Variants in OSBP2 observed in about 807,000 individuals in gnomAD.
OSBP2 encodes the protein oxysterol binding protein 2, also known as oxysterol-binding protein 2.
Under a neutral mutation model 96.0 loss-of-function variants are expected in OSBP2, and 66 were observed. The ratio of observed to expected loss-of-function variants is 0.69; its 90% CI spans 0.56 to 0.84. OSBP2 has a LOEUF of 0.84. OSBP2 is among the 40% of genes least tolerant of loss of function. OSBP2 has a pLI of 0.00. For synonymous variants in OSBP2, 525 were observed against 520.9 expected, an observed-to-expected ratio of 1.01 and a Z score of -0.11; for missense variants, 1,038 against 1,222.7, an observed-to-expected ratio of 0.85 and a Z score of 2.25.
chr22:30,799,057 TTTCCTTCCTTCCTTCCTTCCTTCCTTCC>T lies in OSBP2; in HGVS notation c.853+57719_853+57746del, dbSNP rs1159820708. The stretch of plus-strand genomic sequence containing the variant: ...AATTATTTGACTATACATGCAAAGG[TTTCCTTCCTTCCTTCCTTCCTTCCTTCC>T]TTCCTTCCTTCCTTCCTTCCTTCCT... On this transcript the variant is annotated intron_variant, in intron 2 of 13. Transcript: ENST00000332585. 2.0e-4 allele frequency among the ~76,000 whole-genome samples: 24 copies of T among 120,324 alleles called. 4 individuals are homozygous for T. Among genetic ancestry groups the T allele is most frequent in the Admixed American group, 1.8e-3 (20 of 11,306 alleles). The allele number at this position is 120,324 out of a possible 152,430, so 78.9% of individuals were successfully genotyped here. A position where few individuals can be genotyped will look rare whatever the true frequency, so the allele number is the denominator to read the frequency against.
Position 30,906,392 on chromosome 22 carries a change from A to AT in OSBP2, c.*55dup. ...CCTGCACAGCCTGGCCCACCTGTTC[A>AT]TTAATGCACTCAATTTAGTACTGAA... On this transcript the variant is annotated 3_prime_UTR_variant, in exon 14 of 14. Coordinates refer to ENST00000332585, the MANE Select transcript of OSBP2 (RefSeq NM_030758.4). 1 of 1,530,222 alleles carries AT rather than the reference A, an allele frequency of 6.5e-7. No individual in the cohort carries two copies. Among genetic ancestry groups the AT allele is most frequent in the Non-Finnish European group, 8.8e-7 (1 of 1,137,564 alleles). The allele number at this position is 1,530,222 out of a possible 1,614,324, so 94.8% of individuals were successfully genotyped here.
intron 2 of OSBP2, among the ~76,000 whole-genome samples, chr22:30,778,603 G>A (rs899310716): frequency 2.0e-5 from 3 of 152,108 alleles, no homozygotes; most frequent in African/African-American, 7.2e-5. Context: ...CTATTGGGTA[G>A]TGGATGTGAA....
At chr22:30,854,455 C>T (rs2039040244) in intron 2 of OSBP2, among the ~76,000 whole-genome samples, 2 of 151,466 alleles carry the variant, frequency 1.3e-5, no homozygotes, top group Non-Finnish European at 2.9e-5. Flanking sequence ...ATTACAGGCA[C>T]GCACGACCAT....
At position 30,785,666 on chromosome 22, in the gene OSBP2, C is replaced by G. The variant is rs541968654; in HGVS notation, c.853+44297C>G. Reference sequence around the variant, plus strand: ...AGTGATATGATTTGGCTCTATATCCCCACCAAATCTCATCTCAAATTGTAA... The same window carrying G: ...AGTGATATGATTTGGCTCTATATCCGCACCAAATCTCATCTCAAATTGTAA... On this transcript the variant is annotated intron_variant, in intron 2 of 13. Coordinates refer to ENST00000332585, the MANE Select transcript of OSBP2 (RefSeq NM_030758.4). 3.9e-5 allele frequency among the ~76,000 whole-genome samples: 6 copies of G among 152,202 alleles called. No individual in the cohort carries two copies. The East Asian group carries it at 7.7e-4, about 20-fold the overall frequency.
Position 30,881,234 on chromosome 22 carries a change from C to T in OSBP2, c.1108-6192C>T, listed in dbSNP as rs1602408397. Among the ~76,000 whole-genome samples the T allele has an allele frequency of 6.6e-6, 1 of 152,152 alleles. No individual in the cohort carries two copies. The highest frequency in any genetic ancestry group is 1.5e-5 in the Non-Finnish European group (1 of 68,020). On this transcript the variant is annotated intron_variant, in intron 3 of 13. Coordinates refer to ENST00000332585, the MANE Select transcript of OSBP2 (RefSeq NM_030758.4). This position sits in a 1 kb window ranked among gnomAD's most constrained non-coding sequence, Gnocchi z 4.5. The stretch of plus-strand genomic sequence containing the variant: ...TTGGGGGTAGGCAGAAGGGGCAGGG[C>T]CAGGACACTGGAACTCTGTCCCCAC...
At chr22:30,795,611 C>G (rs779951127) in intron 2 of OSBP2, among the ~76,000 whole-genome samples, 29 of 151,810 alleles carry the variant, frequency 1.9e-4, no homozygotes, top group Non-Finnish European at 3.4e-4. Context: ...CCTCCGCCTC[C>G]CAGGTTCAAG....
chr22:30,783,381 T>C (rs986605469), intron 2 of OSBP2, among the ~76,000 whole-genome samples: 8 of 143,742 alleles, frequency 5.6e-5, no homozygotes, highest in Admixed American at 2.2e-4. Flanking sequence ...AGTGGTGTGA[T>C]TGCAGCTCAC....
intron 2 of OSBP2, among the ~76,000 whole-genome samples, chr22:30,780,036 G>A (rs1022607135): frequency 2.6e-5 from 4 of 152,156 alleles, no homozygotes; most frequent in Non-Finnish European, 5.9e-5. Context: ...TTCTCATTCT[G>A]TACGAAGCAA....
chr22:30,821,961 G>C (rs78635154), intron 2 of OSBP2, among the ~76,000 whole-genome samples: 2,054 of 152,342 alleles, frequency 0.013, 26 homozygotes, highest in Middle Eastern at 0.048. Context: ...TCAAAGGCCT[G>C]GGCAAATACC....
intron 2 of OSBP2, among the ~76,000 whole-genome samples, chr22:30,808,372 T>C (rs2090959220): frequency 6.6e-6 from 1 of 152,084 alleles, no homozygotes; most frequent in Non-Finnish European, 1.5e-5. Flanking sequence ...CTGGATATAG[T>C]GGGGTGCCCC....
At chr22:30,850,408 C>T (rs1049681452) in intron 2 of OSBP2, among the ~76,000 whole-genome samples, 1 of 152,056 alleles carries the variant, frequency 6.6e-6, no homozygotes, top group Non-Finnish European at 1.5e-5. Flanking sequence ...TACTACACTG[C>T]CTTGATTATT....
chr22:30,694,042 A>G, upstream of OSBP2: 1 of 1,547,960 alleles, frequency 6.5e-7, no homozygotes. Context: ...CTCCTTTGTT[A>G]TGGACCTACT....
intron 12 of OSBP2, among the ~76,000 whole-genome samples, chr22:30,898,318 A>C (rs1027161648): frequency 3.3e-5 from 5 of 152,134 alleles, no homozygotes; most frequent in African/African-American, 1.2e-4. Flanking sequence ...ACACCACTGC[A>C]CTCTAGCCTG....
intron 1 of OSBP2, among the ~76,000 whole-genome samples, chr22:30,734,640 A>G (rs2089824638): frequency 6.6e-6 from 1 of 152,222 alleles, no homozygotes; most frequent in African/African-American, 2.4e-5. Flanking sequence ...CCTAAATTTT[A>G]GACCCTTTCA....
At chr22:30,866,693 C>T (rs542713691) in intron 2 of OSBP2, among the ~76,000 whole-genome samples, 13 of 152,098 alleles carry the variant, frequency 8.5e-5, no homozygotes, top group Admixed American at 4.6e-4. Flanking sequence ...ACCGAGATTG[C>T]GCCACTGCAC....
intron 1 of OSBP2, among the ~76,000 whole-genome samples, chr22:30,698,499 C>T (rs1190942895): frequency 2.0e-5 from 3 of 150,262 alleles, no homozygotes; most frequent in Admixed American, 6.6e-5. Context: ...AGTGCAGTGG[C>T]GTGATCTCAG....
At chr22:30,814,808 G>A (rs2091061347) in intron 2 of OSBP2, among the ~76,000 whole-genome samples, 1 of 152,140 alleles carries the variant, frequency 6.6e-6, no homozygotes, top group Non-Finnish European at 1.5e-5. Flanking sequence ...ATTTTGGGGG[G>A]ACACATTTCA....
At chr22:30,858,011 A>G (rs142926337) in intron 2 of OSBP2, among the ~76,000 whole-genome samples, 406 of 152,294 alleles carry the variant, frequency 2.7e-3, no homozygotes, top group Non-Finnish European at 3.5e-3. Context: ...GTCCGGAGAA[A>G]GTATGCCGGG....
intron 2 of OSBP2, among the ~76,000 whole-genome samples, chr22:30,859,632 C>G (rs2039165772): frequency 6.6e-6 from 1 of 152,182 alleles, no homozygotes; most frequent in Admixed American, 6.5e-5. Flanking sequence ...CCTCCACAGC[C>G]CAAAGAGCTG....
Sources: allele counts gnomAD v4.1 joint callset (sites outside exome capture counted in the v4.1 genomes callset), GRCh38; gene constraint gnomAD v4.1.1; non-coding constraint Gnocchi (gnomAD v3.1); transcripts MANE v1.5; gene names NCBI Gene and HGNC (gene_info 2026-07-23, HGNC 2026-07-21).